Variants in FUT7 observed in about 807,000 individuals in gnomAD.
FUT7 encodes the protein alpha-(1,3)-fucosyltransferase 7.
In FUT7, 2 loss-of-function variants were observed where a neutral mutation model predicts 5.0. The observed-to-expected ratio is 0.40, with a 90% CI of 0.16 to 1.26. FUT7 has a LOEUF of 1.26. Ranked by LOEUF, FUT7 falls within the 50% of genes most tolerant of loss-of-function variation. The probability of loss-of-function intolerance (pLI) is 0.32; values close to 1 mark genes in which losing one functional copy is unlikely to be tolerated. For synonymous variants in FUT7, 218 were observed against 210.6 expected (o/e 1.03, Z -0.30); for missense variants, 461 against 489.8 (o/e 0.94, Z 0.55).
rs762085440 is a variant in FUT7 at position 137,031,615 on chromosome 9, C to G, written c.124G>C (p.Ala42Pro). The G allele has an allele frequency of 1.3e-6, 2 of 1,560,136 alleles. No individual in the cohort carries two copies. Among genetic ancestry groups the G allele is most frequent in the Non-Finnish European group, 1.7e-6 (2 of 1,153,778 alleles). The change falls in exon 2 of 2, where the codon GCA becomes CCA. Residue 42 changes from alanine to proline, a missense_variant. By Grantham distance (27) the Ala-to-Pro change is conservative. Transcript: ENST00000314412. ...AGGATGGTGATCGTGGGCTGGGGTG[C>G]CGGGGTACCCCGAGGGGCTGACCCC... ...LLGSAPRGTP[A>P]PQPTITILVW... is the part of the protein sequence containing the mutation.
Position 137,031,548 on chromosome 9 carries a change from G to C in FUT7, c.191C>G (p.Pro64Arg), listed in dbSNP as rs1350968160. 1.3e-6 allele frequency: 2 copies of C among 1,563,978 alleles called. No homozygotes were observed. Among genetic ancestry groups the C allele is most frequent in the Admixed American group, 3.8e-5 (2 of 52,170 alleles). ...GCCGTAGCGGGTGCAGGTGTCGCTGGGCAGCTCTGGGGGCTGGTCAGTGAA... is the reference window on the plus strand; with the variant it reads ...GCCGTAGCGGGTGCAGGTGTCGCTGCGCAGCTCTGGGGGCTGGTCAGTGAA... ...WPFTDQPPEL[P>R]SDTCTRYGIA... The change falls in exon 2 of 2, where the codon CCC becomes CGC. Residue 64 changes from proline to arginine, a missense_variant. Pro to Arg is a moderately radical substitution (Grantham distance 103). Coordinates refer to ENST00000314412, the MANE Select transcript of FUT7 (RefSeq NM_004479.4).
In FUT7 at chr9:137,031,223, C is replaced by T. The variant is rs1564239393; in HGVS notation, c.516G>A (p.Val172=). The T allele has an allele frequency of 6.2e-7, 1 of 1,609,514 alleles. No individual in the cohort carries two copies. The highest frequency in any genetic ancestry group is 1.1e-5 in the South Asian group (1 of 90,992). The change falls in exon 2 of 2, where the codon GTG becomes GTA. Residue 172 remains valine, a synonymous_variant. Coordinates refer to ENST00000314412, the MANE Select transcript of FUT7 (RefSeq NM_004479.4). The stretch of plus-strand genomic sequence containing the variant: ...GGAAGTTGCTGACCACCCAGGCGGC[C>T]ACCCTGCTCTTGGCTGGCAGCGGTG... ...PSPPLPAKSR[V]AAWVVSNFQE... is the part of the protein sequence containing the mutation.
At position 137,032,010 on chromosome 9, in the gene FUT7, A is replaced by G. The variant is rs1386341683; in HGVS notation, c.-19T>C. 1 of 1,612,810 alleles carries G rather than the reference A, an allele frequency of 6.2e-7. No individual in the cohort carries two copies. The highest frequency in any genetic ancestry group is 1.1e-5 in the South Asian group (1 of 91,088). ...TATTCATCCACAGTCTCCCAGGATC[A>G]GTCAGCCAAGAGACCCGAGATTCTC... On this transcript the variant is annotated 5_prime_UTR_variant, in exon 1 of 2. Coordinates refer to ENST00000314412, the MANE Select transcript of FUT7 (RefSeq NM_004479.4).
At position 137,030,900 on chromosome 9, in the gene FUT7, G is replaced by A. The variant is rs1031240207; in HGVS notation, c.839C>T (p.Ala280Val). Residue 280 changes from alanine (A) to valine (V), a missense_variant, in exon 2 of 2, where the codon GCC (alanine) becomes GTC (valine). Coordinates refer to ENST00000314412, the MANE Select transcript of FUT7 (RefSeq NM_004479.4). ...AGTGAGGAAAGCCGCCAGCTCTCGG[G>A]CTGAGCCAAAGTCATCCACATGCAC... ...AFVHVDDFGS[A>V]RELAAFLTGM... The A allele has an allele frequency of 3.1e-6, 5 of 1,612,796 alleles. No homozygotes were observed. The highest frequency in any genetic ancestry group is 4.2e-6 in the Non-Finnish European group (5 of 1,180,006).
At chr9:137,031,849 C>T (rs1484775972) in intron 1 of FUT7, 124 bp from the exon 2 acceptor site, 25 of 1,458,920 alleles carry the variant, frequency 1.7e-5, no homozygotes, top group South Asian at 1.1e-4. Context: ...CCCCACTCAG[C>T]GCCACCCCCG....
Position 137,031,192 on chromosome 9 carries a change from G to C in FUT7, c.547C>G (p.Arg183Gly). Residue 183 changes from arginine (R) to glycine (G), a missense_variant, in exon 2 of 2, where the codon CGG becomes GGG. Arg to Gly is a moderately radical substitution (Grantham distance 125, BLOSUM62 -2). Transcript: ENST00000314412. The part of the protein sequence containing the change: ...AAWVVSNFQE[R>G]QLRARLYRQL... The stretch of plus-strand genomic sequence containing the variant: ...CGGTACAGCCTGGCACGCAGCTGCC[G>C]CTCCTGGAAGTTGCTGACCACCCAG... 2 of 1,609,774 alleles carry C rather than the reference G, an allele frequency of 1.2e-6. No homozygotes were observed. Among genetic ancestry groups the C allele is most frequent in the Non-Finnish European group, 1.7e-6 (2 of 1,178,386 alleles).
Position 137,030,520 on chromosome 9 carries a change from C to G in FUT7, c.*190G>C. ...CCTCCCGTCTGCCGCAGCAGGCACC[C>G]GTTACCTCCCTCCCACTCTCACCTC... On this transcript the variant is annotated 3_prime_UTR_variant, in exon 2 of 2. Coordinates refer to ENST00000314412, the MANE Select transcript of FUT7 (RefSeq NM_004479.4). 4.4e-6 allele frequency: 3 copies of G among 677,544 alleles called. No homozygotes were observed. Among genetic ancestry groups the G allele is most frequent in the Admixed American group, 2.5e-5 (1 of 40,298 alleles). The allele number at this position is 677,544 out of a possible 1,614,324, so 42.0% of individuals were successfully genotyped here.
intron 1 of FUT7, 25 bp from the exon 2 acceptor site, chr9:137,031,750 GC>G: frequency 3.9e-6 from 6 of 1,539,882 alleles, no homozygotes; most frequent in Non-Finnish European, 4.4e-6. Context: ...GGGAGGGGAG[GC>G]TCTGTCACTT....
Position 137,030,916 on chromosome 9 carries a change from C to G in FUT7, c.823G>C (p.Asp275His), listed in dbSNP as rs747687885. 6.2e-7 allele frequency: 1 copy of G among 1,612,840 alleles called. No homozygotes were observed. Among genetic ancestry groups the G allele is most frequent in the East Asian group, 2.2e-5 (1 of 44,892 alleles). ...AGCTCTCGGGCTGAGCCAAAGTCATCCACATGCACGAAGGCGTCAGCCGGC... is the reference window on the plus strand; with the variant it reads ...AGCTCTCGGGCTGAGCCAAAGTCATGCACATGCACGAAGGCGTCAGCCGGC... ...FVPADAFVHV[D>H]DFGSARELAA... Residue 275 changes from aspartate to histidine, a missense_variant, in exon 2 of 2, where the codon GAT becomes CAT. Coordinates refer to ENST00000314412, the MANE Select transcript of FUT7 (RefSeq NM_004479.4).
In FUT7 at chr9:137,032,020, G is replaced by A. The variant is rs1333081528; in HGVS notation, c.-29C>T. 3 of 1,612,600 alleles carry A rather than the reference G, an allele frequency of 1.9e-6. No individual in the cohort carries two copies. The highest frequency in any genetic ancestry group is 2.5e-6 in the Non-Finnish European group (3 of 1,179,726). On this transcript the variant is annotated 5_prime_UTR_variant, in exon 1 of 2. Transcript: ENST00000314412. The stretch of plus-strand genomic sequence containing the variant: ...CAGTCTCCCAGGATCAGTCAGCCAA[G>A]AGACCCGAGATTCTCAAATCACGGC...
At position 137,031,717 on chromosome 9, in the gene FUT7, G is replaced by T; in HGVS notation, c.22C>A (p.Pro8Thr). ...CCCAAGCCTCGCAGCCTCCGGGTGGGGCCGTGCCCTGCAGCAGCACGAGGG... is the reference window on the plus strand; with the variant it reads ...CCCAAGCCTCGCAGCCTCCGGGTGGTGCCGTGCCCTGCAGCAGCACGAGGG... MNNAGHGPTRRLRGLGVL... is the reference protein window; with the variant it reads MNNAGHGTTRRLRGLGVL... The change falls in exon 2 of 2, where the codon CCC (proline) becomes ACC (threonine). Residue 8 changes from proline to threonine, a missense_variant. By Grantham distance (38) the Pro-to-Thr change is conservative. Coordinates refer to ENST00000314412, the MANE Select transcript of FUT7 (RefSeq NM_004479.4). 5 of 1,545,162 alleles carry T rather than the reference G, an allele frequency of 3.2e-6. No individual in the cohort carries two copies. The highest frequency in any genetic ancestry group is 4.4e-6 in the Non-Finnish European group (5 of 1,147,136).
In FUT7 at chr9:137,031,978, C is replaced by T; in HGVS notation, c.13+1G>A. 6.2e-7 allele frequency: 1 copy of T among 1,612,844 alleles called. No individual in the cohort carries two copies. ...GGCCTCCCCGAGGGCCAGACACTCA[C>T]CAGCATTATTCATCCACAGTCTCCC... On this transcript the variant is annotated splice_donor_variant, in intron 1 of 1. Transcript: ENST00000314412. LOFTEE classifies it high-confidence loss of function.
At position 137,031,539 on chromosome 9, in the gene FUT7, G is replaced by A. The variant is rs1831855552; in HGVS notation, c.200C>T (p.Thr67Ile). ...GCGGGCGATGCCGTAGCGGGTGCAG[G>A]TGTCGCTGGGCAGCTCTGGGGGCTG... The part of the protein sequence containing the change: ...TDQPPELPSD[T>I]CTRYGIARCH... Residue 67 changes from threonine to isoleucine, a missense_variant, in exon 2 of 2, where the codon ACC becomes ATC. Thr to Ile is a moderately conservative substitution (Grantham distance 89). Transcript: ENST00000314412. 1.3e-6 allele frequency: 2 copies of A among 1,562,234 alleles called. No homozygotes were observed. The highest frequency in any genetic ancestry group is 1.4e-5 in the African/African-American group (1 of 74,040).
In FUT7 at chr9:137,032,063, C is replaced by T. The variant is rs2131492119; in HGVS notation, c.-72G>A. ...ATCACGGCAGCCGCCAGAGGTGCCC[C>T]TGAAATCACAGCTACGCCCTAGCTC... On this transcript the variant is annotated 5_prime_UTR_variant, in exon 1 of 2. Coordinates refer to ENST00000314412, the MANE Select transcript of FUT7 (RefSeq NM_004479.4). 1 of 1,514,714 alleles carries T rather than the reference C, an allele frequency of 6.6e-7. No homozygotes were observed. The highest frequency in any genetic ancestry group is 9.2e-7 in the Non-Finnish European group (1 of 1,090,588). The allele number at this position is 1,514,714 out of a possible 1,614,324, so 93.8% of individuals were successfully genotyped here.
chr9:137,031,943 C>G, intron 1 of FUT7, 36 bp downstream of exon 1: 1 of 1,609,606 alleles, frequency 6.2e-7, no homozygotes, highest in Non-Finnish European at 8.5e-7. Flanking sequence ...GCCTAGCTGT[C>G]CCCAGCTTGG....
Position 137,031,641 on chromosome 9 carries a change from A to G in FUT7, c.98T>C (p.Leu33Pro). 2 of 1,554,400 alleles carry G rather than the reference A, an allele frequency of 1.3e-6. No homozygotes were observed. The highest frequency in any genetic ancestry group is 1.7e-6 in the Non-Finnish European group (2 of 1,150,422). ...CGGGGTACCCCGAGGGGCTGACCCCAGCAGCCACAGGAGCCAGAGGGCAGC... is the reference window on the plus strand; with the variant it reads ...CGGGGTACCCCGAGGGGCTGACCCCGGCAGCCACAGGAGCCAGAGGGCAGC... ...LLAALWLLWL[L>P]GSAPRGTPAP... The change falls in exon 2 of 2, where the codon CTG becomes CCG. Residue 33 changes from leucine (L) to proline (P), a missense_variant. Leu to Pro is a moderately conservative substitution (Grantham distance 98, BLOSUM62 -3). Transcript: ENST00000314412.
Position 137,030,935 on chromosome 9 carries a change from A to C in FUT7, c.804T>G (p.Ala268=). ...AGTCATCCACATGCACGAAGGCGTCAGCCGGCACGAAGGCCTCATAGGTGG... is the reference window on the plus strand; with the variant it reads ...AGTCATCCACATGCACGAAGGCGTCCGCCGGCACGAAGGCCTCATAGGTGG... ...PRATYEAFVP[A]DAFVHVDDFG... is the part of the protein sequence containing the mutation. The change falls in exon 2 of 2, where the codon GCT becomes GCG. Residue 268 remains alanine (A), a synonymous_variant. Coordinates refer to ENST00000314412, the MANE Select transcript of FUT7 (RefSeq NM_004479.4). The C allele has an allele frequency of 6.2e-7, 1 of 1,612,814 alleles. No homozygotes were observed. The highest frequency in any genetic ancestry group is 8.5e-7 in the Non-Finnish European group (1 of 1,179,978).
In FUT7 at chr9:137,031,011, C is replaced by A. The variant is rs200584952; in HGVS notation, c.728G>T (p.Arg243Leu). ...HRDYITEKFW[R>L]NALVAGTVPV... ...CACAGTGCCAGCCACCAGTGCGTTG[C>A]GCCAGAATTTCTCCGTAATGTAGTC... Residue 243 changes from arginine to leucine, a missense_variant, in exon 2 of 2, where the codon CGC becomes CTC. Arg to Leu is a moderately radical substitution (Grantham distance 102). Coordinates refer to ENST00000314412, the MANE Select transcript of FUT7 (RefSeq NM_004479.4). 2 of 1,612,874 alleles carry A rather than the reference C, an allele frequency of 1.2e-6. No homozygotes were observed. The highest frequency in any genetic ancestry group is 1.7e-6 in the Non-Finnish European group (2 of 1,180,026).
chr9:137,031,481 G>A lies in FUT7; in HGVS notation c.258C>T (p.Ala86=), dbSNP rs144955598. 5.8e-6 allele frequency: 9 copies of A among 1,553,542 alleles called. No individual in the cohort carries two copies. In the African/African-American group the frequency reaches 8.2e-5, roughly 14 times the overall value. Residue 86 remains alanine, a synonymous_variant, in exon 2 of 2, where the codon GCC becomes GCT. Transcript: ENST00000314412. Reference sequence around the variant, plus strand: ...GGTGGAAGACCACGGCGTCGGCGCTGGCCAGCAGGCTTCGGTTGGCACTCA... The same window carrying A: ...GGTGGAAGACCACGGCGTCGGCGCTAGCCAGCAGGCTTCGGTTGGCACTCA... ...CHLSANRSLL[A]SADAVVFHHR...
Sources: gnomAD v4.1 joint callset for allele counts on GRCh38, gnomAD v4.1.1 for gene constraint, MANE v1.5 for transcripts, NCBI Gene and HGNC (gene_info 2026-07-23, HGNC 2026-07-21) for gene names.